PRTG: variants seen among roughly 807,000 people sequenced by gnomAD.
PRTG encodes the protein immunoglobulin superfamily, DCC subclass, member 5.
A neutral mutation model predicts 122.5 loss-of-function variants in PRTG; 67 were observed. The ratio of observed to expected loss-of-function variants is 0.55; its 90% CI spans 0.45 to 0.67. The LOEUF (loss-of-function observed/expected upper bound fraction) is 0.67. PRTG is among the 30% of genes least tolerant of loss of function. PRTG has a pLI of 0.00. For synonymous variants in PRTG, 554 were observed against 501.1 expected, an observed-to-expected ratio of 1.11 and a Z score of -1.41; for missense variants, 1,435 against 1,415.4, an observed-to-expected ratio of 1.01 and a Z score of -0.22.
At chr15:55,630,925 C>G (rs1024239262) in intron 15 of PRTG, among the ~76,000 whole-genome samples, 4 of 152,268 alleles carry the variant, frequency 2.6e-5, no homozygotes, top group Admixed American at 6.5e-5. Context: ...CAGTTGCCTC[C>G]TGGCCAAAGG....
intron 11 of PRTG, among the ~76,000 whole-genome samples, chr15:55,660,353 G>A (rs1248551076): frequency 2.0e-5 from 3 of 151,868 alleles, no homozygotes; most frequent in Non-Finnish European, 4.4e-5. Flanking sequence ...GTGCTAATGG[G>A]TTTCTTTTAA....
intron 2 of PRTG, among the ~76,000 whole-genome samples, chr15:55,707,400 G>C (rs1013816317): frequency 6.6e-6 from 1 of 152,122 alleles, no homozygotes; most frequent in African/African-American, 2.4e-5. Context: ...TGCATAAATG[G>C]CTTACTCTTA....
At chr15:55,705,210 G>C (rs1195120777) in intron 2 of PRTG, among the ~76,000 whole-genome samples, 2 of 152,112 alleles carry the variant, frequency 1.3e-5, no homozygotes, top group Non-Finnish European at 1.5e-5. Context: ...TCCACTCAAG[G>C]AGTCCATCAT....
At chr15:55,722,698 A>G (rs1174000991) in intron 2 of PRTG, among the ~76,000 whole-genome samples, 4 of 152,214 alleles carry the variant, frequency 2.6e-5, no homozygotes, top group Non-Finnish European at 4.4e-5. Flanking sequence ...AAAATCGTAG[A>G]CTGAATAAAC....
intron 11 of PRTG, chr15:55,655,502 A>G (rs2059374786): frequency 1.3e-5 from 2 of 152,316 alleles, no homozygotes; most frequent in South Asian, 4.1e-4. Context: ...TTCATGAATG[A>G]GTTATTCAGT....
At chr15:55,707,710 A>T (rs532803487) in intron 2 of PRTG, among the ~76,000 whole-genome samples, 1 of 152,316 alleles carries the variant, frequency 6.6e-6, no homozygotes, top group South Asian at 2.1e-4. Flanking sequence ...ACATTCATTC[A>T]AGCACAGAGA....
intron 2 of PRTG, among the ~76,000 whole-genome samples, chr15:55,726,812 T>G (rs1449795805): frequency 2.0e-5 from 3 of 151,758 alleles, no homozygotes; most frequent in African/African-American, 7.3e-5. Context: ...TAGAAAATAC[T>G]TTGGAACAAA....
chr15:55,655,900 G>A (rs1028845763), intron 11 of PRTG: 1 of 152,440 alleles, frequency 6.6e-6, no homozygotes, highest in Non-Finnish European at 1.5e-5. Flanking sequence ...GTCAGTACAA[G>A]AGTATAGGGC....
At chr15:55,671,867 T>G (rs1044913497) in intron 11 of PRTG, among the ~76,000 whole-genome samples, 4 of 152,180 alleles carry the variant, frequency 2.6e-5, no homozygotes, top group Admixed American at 1.3e-4. Context: ...TTCCTTTCAC[T>G]CTACAAAGAT....
intron 15 of PRTG, among the ~76,000 whole-genome samples, chr15:55,631,050 G>C (rs942859247): frequency 2.0e-5 from 3 of 152,126 alleles, no homozygotes; most frequent in Non-Finnish European, 4.4e-5. Flanking sequence ...ACGGTGTGAG[G>C]CAGCCAAACC....
rs1441495897 is a variant in PRTG at position 55,682,413 on chromosome 15, A to T, written c.627T>A (p.Thr209=). The change falls in exon 4 of 20, where the codon ACT becomes ACA. Residue 209 remains threonine, a synonymous_variant. Transcript: ENST00000389286. ...CCATACTTTTACGTCGGTGGGCTAC[A>T]GTGGCAGCAATACAACGATAATTTC... is the stretch of plus-strand genomic sequence containing the variant. The part of the protein sequence containing the change: ...DSGNYRCIAA[T]VAHRRKSMEA... 1 of 1,606,958 alleles carries T rather than the reference A, an allele frequency of 6.2e-7. No homozygotes were observed. The highest frequency in any genetic ancestry group is 8.5e-7 in the Non-Finnish European group (1 of 1,175,836).
chr15:55,732,358 T>A (rs2031263103), intron 2 of PRTG, among the ~76,000 whole-genome samples: 1 of 150,252 alleles, frequency 6.7e-6, no homozygotes, highest in Non-Finnish European at 1.5e-5. Context: ...CTAATTTTTG[T>A]ATTTTTAGTA....
intron 15 of PRTG, among the ~76,000 whole-genome samples, chr15:55,630,451 TAAAC>T (rs2059221675): frequency 6.6e-6 from 1 of 152,116 alleles, no homozygotes; most frequent in Non-Finnish European, 1.5e-5. Flanking sequence ...AGATTCAAGA[TAAAC>T]AGGGAAGAAA....
intron 11 of PRTG, among the ~76,000 whole-genome samples, chr15:55,654,844 T>C (rs1453981716): frequency 6.6e-6 from 1 of 152,204 alleles, no homozygotes; most frequent in Non-Finnish European, 1.5e-5. Context: ...TTTTGACCCT[T>C]ATGTGAAGCA....
rs1329097486 is a variant in PRTG at position 55,672,485 on chromosome 15, G to A, written c.2001C>T (p.Phe667=). 6.2e-7 allele frequency: 1 copy of A among 1,614,066 alleles called. No individual in the cohort carries two copies. ...EEGQQENGPI[F]LDTKDLLYTL... Reference sequence around the variant, plus strand: ...TATAGAGTAGGTCCTTGGTATCCAAGAAAATGGGCCCATTCTCCTGCTGCC... The same window carrying A: ...TATAGAGTAGGTCCTTGGTATCCAAAAAAATGGGCCCATTCTCCTGCTGCC... Residue 667 remains phenylalanine, a synonymous_variant, in exon 11 of 20, where the codon TTC becomes TTT. Transcript: ENST00000389286.
At chr15:55,706,395 T>G (rs1045146574) in intron 2 of PRTG, among the ~76,000 whole-genome samples, 3 of 151,638 alleles carry the variant, frequency 2.0e-5, no homozygotes, top group Non-Finnish European at 4.4e-5. Context: ...CACAGAGCAA[T>G]AAGAATACAC....
At chr15:55,668,810 T>A (rs894188203) in intron 11 of PRTG, among the ~76,000 whole-genome samples, 3 of 152,172 alleles carry the variant, frequency 2.0e-5, no homozygotes, top group African/African-American at 7.2e-5. Flanking sequence ...TTTAGCTACT[T>A]TAAAAAAACT....
rs565146583 is a variant in PRTG at position 55,684,265 on chromosome 15, G to A, written c.398-334C>T. Among the ~76,000 whole-genome samples the A allele has an allele frequency of 2.8e-4, 43 of 152,312 alleles. 1 individual carries two copies. In the South Asian group the frequency reaches 6.8e-3, roughly 24 times the overall value. On this transcript the variant is annotated intron_variant, in intron 2 of 19. Coordinates refer to ENST00000389286, the MANE Select transcript of PRTG (RefSeq NM_173814.6). ...TGTGGTACAAACTTCAAATACTATTGTATATCAGAGGAGAGGGAAACAAAT... is the reference window on the plus strand; with the variant it reads ...TGTGGTACAAACTTCAAATACTATTATATATCAGAGGAGAGGGAAACAAAT...
At chr15:55,629,254 G>A (rs1300307278) in intron 15 of PRTG, among the ~76,000 whole-genome samples, 1 of 151,908 alleles carries the variant, frequency 6.6e-6, no homozygotes, top group East Asian at 1.9e-4. Flanking sequence ...TTATATATTA[G>A]AGTTTTCACT....
Sources: allele counts gnomAD v4.1 joint callset (sites outside exome capture counted in the v4.1 genomes callset), GRCh38; gene constraint gnomAD v4.1.1; transcripts MANE v1.5; gene names NCBI Gene and HGNC (gene_info 2026-07-23, HGNC 2026-07-21).